THSD7A: variants seen among roughly 807,000 people sequenced by gnomAD.
THSD7A encodes the protein thrombospondin type 1 domain containing 7A, also known as thrombospondin type-1 domain-containing protein 7A.
Under a neutral mutation model 231.3 loss-of-function variants are expected in THSD7A, and 96 were observed. That is an observed-to-expected ratio of 0.41 (90% CI 0.35 to 0.49). The LOEUF (loss-of-function observed/expected upper bound fraction) is 0.49, where lower values mean the gene tolerates loss of function less well. THSD7A is among the 20% of genes least tolerant of loss of function. THSD7A has a pLI of 0.05. For synonymous variants in THSD7A, 940 were observed against 743.3 expected (o/e 1.26, Z -4.30); for missense variants, 2,290 against 2,070.2 (o/e 1.11, Z -2.06).
chr7:11,583,897 A>C (rs1791278328), intron 4 of THSD7A, among the ~76,000 whole-genome samples: 1 of 152,188 alleles, frequency 6.6e-6, no homozygotes, highest in African/African-American at 2.4e-5. Flanking sequence ...ATACAGACCC[A>C]TAATTGGAAT....
intron 6 of THSD7A, among the ~76,000 whole-genome samples, chr7:11,502,316 A>T (rs915770614): frequency 6.6e-6 from 1 of 152,094 alleles, no homozygotes; most frequent in African/African-American, 2.4e-5. Flanking sequence ...ACACCCAAAC[A>T]TGGCAGAGAC....
At chr7:11,476,920 T>C (rs1197149165) in intron 7 of THSD7A, among the ~76,000 whole-genome samples, 2 of 152,106 alleles carry the variant, frequency 1.3e-5, no homozygotes, top group African/African-American at 2.4e-5. Context: ...ATTAAAAGTA[T>C]GATATAAATA....
At position 11,636,955 on chromosome 7, in the gene THSD7A, C is replaced by T; in HGVS notation, c.197G>A (p.Trp66Ter). The T allele has an allele frequency of 3.1e-6, 5 of 1,598,450 alleles. No homozygotes were observed. The highest frequency in any genetic ancestry group is 4.3e-6 in the Non-Finnish European group (5 of 1,173,628). ...ACATTCATCTCCCATACATCGGCCCCATGGACCTACAAAAATTATAACACA... is the reference window on the plus strand; with the variant it reads ...ACATTCATCTCCCATACATCGGCCCTATGGACCTACAAAAATTATAACACA... Reference protein sequence around the residue: ...PTLYLWKTGPWGRCMGDECGP... With the variant: ...PTLYLWKTGP Residue 66 changes from tryptophan (W) to a stop codon, truncating the protein, a stop_gained, in exon 2 of 28, where the codon TGG (tryptophan) becomes TAG (stop). Coordinates refer to ENST00000423059, the MANE Select transcript of THSD7A (RefSeq NM_015204.3). LOFTEE classifies it high-confidence loss of function. The surrounding 1 kb of genome is among the most constrained non-coding windows in gnomAD (Gnocchi z 10.0).
At chr7:11,745,535 A>G (rs1020277296) in intron 1 of THSD7A, among the ~76,000 whole-genome samples, 1 of 152,036 alleles carries the variant, frequency 6.6e-6, no homozygotes, top group Non-Finnish European at 1.5e-5. Context: ...TATTTCCTGA[A>G]TGGTATTGCC....
intron 6 of THSD7A, among the ~76,000 whole-genome samples, chr7:11,514,858 T>G (rs1250349181): frequency 6.6e-6 from 1 of 152,166 alleles, no homozygotes; most frequent in Non-Finnish European, 1.5e-5. Context: ...TTACTATGAC[T>G]GCACGAAAGC....
At chr7:11,728,982 AAAATG>A (rs1197627529) in intron 1 of THSD7A, among the ~76,000 whole-genome samples, 2 of 151,874 alleles carry the variant, frequency 1.3e-5, no homozygotes, top group Non-Finnish European at 2.9e-5. Context: ...TTCTACCTTA[AAAATG>A]AAATAAATAA....
chr7:11,585,814 A>G (rs761170385), intron 4 of THSD7A, among the ~76,000 whole-genome samples: 2 of 152,094 alleles, frequency 1.3e-5, no homozygotes, highest in African/African-American at 2.4e-5. Context: ...AGACATGCCA[A>G]TTCACCTGAT....
intron 10 of THSD7A, 81 bp from the exon 11 acceptor site, chr7:11,460,846 G>T: frequency 9.0e-7 from 1 of 1,110,506 alleles, no homozygotes; most frequent in South Asian, 1.4e-5. Flanking sequence ...ATGGAAACAT[G>T]ACTTTGACCA....
At chr7:11,731,147 A>G (rs957158037) in intron 1 of THSD7A, among the ~76,000 whole-genome samples, 1 of 151,536 alleles carries the variant, frequency 6.6e-6, no homozygotes, top group Non-Finnish European at 1.5e-5. Flanking sequence ...TATTCCCTAT[A>G]TTGATAATTT....
At chr7:11,552,548 A>T (rs1253953219) in intron 4 of THSD7A, among the ~76,000 whole-genome samples, 1 of 152,096 alleles carries the variant, frequency 6.6e-6, no homozygotes, top group African/African-American at 2.4e-5. Context: ...AGGAGTTAAG[A>T]AAAAATTACT....
chr7:11,689,299 A>C (rs1241407936), intron 1 of THSD7A, among the ~76,000 whole-genome samples: 2 of 151,882 alleles, frequency 1.3e-5, no homozygotes, highest in African/African-American at 2.4e-5. Flanking sequence ...CACAGTGTGC[A>C]ATAAAATGCT....
rs146302696 is a variant in THSD7A, at chr7:11,678,193, C to T, written c.191-41232G>A. 6.7e-3 allele frequency among the ~76,000 whole-genome samples: 1,017 copies of T among 152,202 alleles called. 4 individuals are homozygous for T. Among genetic ancestry groups the T allele is most frequent in the Non-Finnish European group, 0.012 (802 of 68,018 alleles). On this transcript the variant is annotated intron_variant, in intron 1 of 27. Transcript: ENST00000423059. ...CAGAATATCTGGGACACAGCTAAAG[C>T]GGTGTCTAGAGGAAAATTTATAGCA... is the stretch of plus-strand genomic sequence containing the variant.
intron 1 of THSD7A, among the ~76,000 whole-genome samples, chr7:11,728,395 A>G (rs535812904): frequency 3.9e-5 from 6 of 152,068 alleles, no homozygotes; most frequent in African/African-American, 1.4e-4. Flanking sequence ...TATATAATCT[A>G]GAGTGGCACA....
intron 23 of THSD7A, among the ~76,000 whole-genome samples, chr7:11,397,807 C>T (rs930541974): frequency 1.3e-5 from 2 of 152,192 alleles, no homozygotes; most frequent in African/African-American, 4.8e-5. Context: ...AAAAGCTCAT[C>T]AACACTGGTC....
At chr7:11,481,760 T>C in intron 7 of THSD7A, 28 bp downstream of exon 7, 1 of 1,566,228 alleles carries the variant, frequency 6.4e-7, no homozygotes, top group Non-Finnish European at 8.7e-7. Context: ...GAAACGAACC[T>C]AGATGGCGTC....
At chr7:11,747,496 G>A (rs1286211943) in intron 1 of THSD7A, among the ~76,000 whole-genome samples, 1 of 151,870 alleles carries the variant, frequency 6.6e-6, no homozygotes, top group East Asian at 1.9e-4. Flanking sequence ...ATGTAATTTA[G>A]TTTTCTTAAT....
At chr7:11,807,840 G>T (rs537289669) in intron 1 of THSD7A, among the ~76,000 whole-genome samples, 7 of 152,116 alleles carry the variant, frequency 4.6e-5, no homozygotes, top group Admixed American at 2.0e-4. Context: ...TGCCAAAAAT[G>T]TTGGTCTCCT....
rs1051736171 is a variant in THSD7A at position 11,637,069 on chromosome 7, G to T, written c.191-108C>A. ...GACCTAGTACATTAACTTCCCTGCG[G>T]TGTTACAAAGTAGGTCTCTGGACAC... On this transcript the variant is annotated intron_variant, in intron 1 of 27. Coordinates refer to ENST00000423059, the MANE Select transcript of THSD7A (RefSeq NM_015204.3). This position sits in a 1 kb window ranked among gnomAD's most constrained non-coding sequence, Gnocchi z 4.2. The T allele has an allele frequency of 2.0e-6, 2 of 995,700 alleles. No homozygotes were observed. The highest frequency in any genetic ancestry group is 2.9e-6 in the Non-Finnish European group (2 of 686,736). 61.7% of individuals were successfully genotyped at this position (995,700 alleles called of 1,614,324 possible). A position where few individuals can be genotyped will look rare whatever the true frequency, so the allele number is the denominator to read the frequency against.
At chr7:11,398,178 C>A (rs182922913) in intron 23 of THSD7A, among the ~76,000 whole-genome samples, 1 of 151,532 alleles carries the variant, frequency 6.6e-6, no homozygotes, top group South Asian at 2.1e-4. Flanking sequence ...AAATGTGGCA[C>A]GTATACACCA....
Sources: allele counts gnomAD v4.1 joint callset (sites outside exome capture counted in the v4.1 genomes callset), GRCh38; gene constraint gnomAD v4.1.1; non-coding constraint Gnocchi (gnomAD v3.1); transcripts MANE v1.5; gene names NCBI Gene and HGNC (gene_info 2026-07-23, HGNC 2026-07-21).